Variants in SLC38A4 observed in about 807,000 individuals in gnomAD.
SLC38A4 encodes the protein solute carrier family 38 member 4.
Under a neutral mutation model 63.1 loss-of-function variants are expected in SLC38A4, and 20 were observed. The ratio of observed to expected loss-of-function variants is 0.32; its 90% CI spans 0.22 to 0.46. The LOEUF is 0.46. Ranked by LOEUF, SLC38A4 falls within the 20% of genes least tolerant of loss-of-function variation. The pLI, the probability that SLC38A4 is intolerant of heterozygous loss-of-function variation, is 1.00. For synonymous variants in SLC38A4, 230 were observed against 225.5 expected (o/e 1.02, Z -0.18); for missense variants, 526 against 663.6 (o/e 0.79, Z 2.28).
chr12:46,775,440 C>T lies in SLC38A4; in HGVS notation c.1175-267G>A, dbSNP rs150051244. The stretch of plus-strand genomic sequence containing the variant: ...ATTTACATTGTGATAAATCTATCTC[C>T]GCTGTACAGAAGCAATTACAAATCA... On this transcript the variant is annotated intron_variant, in intron 13 of 16. Transcript: ENST00000266579. Among the ~76,000 whole-genome samples the T allele has an allele frequency of 1.2e-4, 19 of 152,076 alleles. No individual in the cohort carries two copies. In the East Asian group the frequency reaches 1.7e-3, roughly 14 times the overall value.
intron 1 of SLC38A4, among the ~76,000 whole-genome samples, chr12:46,810,307 G>A (rs1466120401): frequency 2.0e-5 from 3 of 151,702 alleles, no homozygotes; most frequent in Non-Finnish European, 4.4e-5. Context: ...CAAAGATTAT[G>A]TTGTTCTCAC....
chr12:46,820,349 C>A (rs552608604), intron 1 of SLC38A4, among the ~76,000 whole-genome samples: 54 of 152,118 alleles, frequency 3.5e-4, no homozygotes, highest in South Asian at 2.1e-3. Context: ...CTTCTTCCAG[C>A]CCCTGGTAAC....
chr12:46,815,126 A>G (rs1020860847), intron 1 of SLC38A4, among the ~76,000 whole-genome samples: 3 of 151,434 alleles, frequency 2.0e-5, no homozygotes, highest in Non-Finnish European at 3.0e-5. Context: ...ATTCTATGTT[A>G]TGGTTGCTAA....
intron 1 of SLC38A4, among the ~76,000 whole-genome samples, chr12:46,806,968 G>A (rs185902194): frequency 3.2e-4 from 49 of 151,830 alleles, no homozygotes; most frequent in Admixed American, 1.3e-4. Context: ...GAAAGTTCCA[G>A]CGGGATCAAG....
At chr12:46,780,333 T>G (rs533996530) in intron 7 of SLC38A4, among the ~76,000 whole-genome samples, 1 of 151,990 alleles carries the variant, frequency 6.6e-6, no homozygotes, top group Non-Finnish European at 1.5e-5. Context: ...ACATAGCCCA[T>G]ACTCAGTGTG....
chr12:46,826,657 A>G (rs143489778), upstream of SLC38A4, among the ~76,000 whole-genome samples: 5 of 152,310 alleles, frequency 3.3e-5, no homozygotes, highest in East Asian at 9.7e-4. Context: ...TAACTCAGGC[A>G]AAAAGTGGGA....
chr12:46,804,002 A>C (rs1157420073), intron 1 of SLC38A4, among the ~76,000 whole-genome samples: 1 of 152,084 alleles, frequency 6.6e-6, no homozygotes, highest in Non-Finnish European at 1.5e-5. Flanking sequence ...CCGTTTTCAA[A>C]AGACTTATGA....
At chr12:46,792,518 A>G (rs1298034658) in intron 3 of SLC38A4, among the ~76,000 whole-genome samples, 1 of 152,100 alleles carries the variant, frequency 6.6e-6, no homozygotes, top group African/African-American at 2.4e-5. Flanking sequence ...AGATATAATT[A>G]TCTGAAATTC....
chr12:46,780,096 G>C, intron 7 of SLC38A4, 66 bp from the exon 8 acceptor site: 1 of 1,219,014 alleles, frequency 8.2e-7, no homozygotes, highest in Non-Finnish European at 1.2e-6. Context: ...AGCAAGTTAT[G>C]ACATTTGGGA....
chr12:46,810,874 A>T (rs1939326126), intron 1 of SLC38A4, among the ~76,000 whole-genome samples: 1 of 151,910 alleles, frequency 6.6e-6, no homozygotes, highest in Admixed American at 6.6e-5. Context: ...CAAACAATCA[A>T]CTCCCTTAAA....
At chr12:46,800,356 C>G (rs967030502) in intron 2 of SLC38A4, among the ~76,000 whole-genome samples, 2 of 152,096 alleles carry the variant, frequency 1.3e-5, no homozygotes, top group South Asian at 2.1e-4. Context: ...ACTGGAAGGT[C>G]TATATACTTT....
chr12:46,801,521 T>C (rs1939132359), intron 2 of SLC38A4, among the ~76,000 whole-genome samples: 1 of 152,124 alleles, frequency 6.6e-6, no homozygotes, highest in Admixed American at 6.6e-5. Context: ...CATTGCTATC[T>C]GTCTCATCTT....
At chr12:46,793,881 G>A (rs992531836) in intron 2 of SLC38A4, among the ~76,000 whole-genome samples, 1 of 152,096 alleles carries the variant, frequency 6.6e-6, no homozygotes, top group African/African-American at 2.4e-5. Context: ...TTAATTCATT[G>A]GATCTCAGCA....
intron 7 of SLC38A4, among the ~76,000 whole-genome samples, chr12:46,783,271 AG>A (rs1225637334): frequency 3.4e-5 from 5 of 146,178 alleles, no homozygotes; most frequent in Admixed American, 2.8e-4. Flanking sequence ...ATAGATAGAT[AG>A]ATAAAGATAG....
chr12:46,827,806 G>A (rs1377662397), upstream of SLC38A4, among the ~76,000 whole-genome samples: 1 of 151,836 alleles, frequency 6.6e-6, no homozygotes, highest in Non-Finnish European at 1.5e-5. Flanking sequence ...AGACTTTGTT[G>A]TCTTATCTTT....
In SLC38A4 at chr12:46,776,959, C is replaced by G. The variant is rs756151783; in HGVS notation, c.1119G>C (p.Thr373=). The part of the protein sequence containing the change: ...KMQTVSNISI[T]GMLVMYLLAA... ...CAAGCAGGTACATGACAAGCATCCC[C>G]GTGATGGAAATATTTGACACCGTTT... The change falls in exon 13 of 17, where the codon ACG becomes ACC. Residue 373 remains threonine, a synonymous_variant. Coordinates refer to ENST00000266579, the MANE Select transcript of SLC38A4 (RefSeq NM_018018.5). 1.9e-6 allele frequency: 3 copies of G among 1,611,748 alleles called. No homozygotes were observed. Among genetic ancestry groups the G allele is most frequent in the Non-Finnish European group, 1.7e-6 (2 of 1,178,710 alleles).
chr12:46,797,585 T>G lies in SLC38A4; in HGVS notation c.-112-4402A>C, dbSNP rs540892231. ...ATGCTGTACTTTGAGATCTCTTGGC[T>G]CCATAATCATGAAAGCCAATTCCCA... is the stretch of plus-strand genomic sequence containing the variant. On this transcript the variant is annotated intron_variant, in intron 2 of 16. Coordinates refer to ENST00000266579, the MANE Select transcript of SLC38A4 (RefSeq NM_018018.5). 1.6e-4 allele frequency among the ~76,000 whole-genome samples: 24 copies of G among 152,258 alleles called. No individual in the cohort carries two copies. In the South Asian group the frequency reaches 4.1e-3, roughly 26 times the overall value.
chr12:46,795,493 C>T (rs1938984652), intron 2 of SLC38A4, among the ~76,000 whole-genome samples: 1 of 152,062 alleles, frequency 6.6e-6, no homozygotes, highest in Non-Finnish European at 1.5e-5. Flanking sequence ...TGCTCTTTCT[C>T]ATTCTGAATG....
chr12:46,775,850 A>G (rs377629697), intron 13 of SLC38A4, among the ~76,000 whole-genome samples: 1 of 152,066 alleles, frequency 6.6e-6, no homozygotes, highest in East Asian at 1.9e-4. Flanking sequence ...ACAAATAACA[A>G]GAAAATATCT....
Sources: allele counts gnomAD v4.1 joint callset (sites outside exome capture counted in the v4.1 genomes callset), GRCh38; gene constraint gnomAD v4.1.1; transcripts MANE v1.5; gene names NCBI Gene and HGNC (gene_info 2026-07-23, HGNC 2026-07-21).